ARMH4: variants seen among roughly 807,000 people sequenced by gnomAD.
ARMH4 encodes the protein armadillo like helical domain containing 4.
In ARMH4, 49 loss-of-function variants were observed where a neutral mutation model predicts 61.9. That is an observed-to-expected ratio of 0.79 (90% CI 0.63 to 1.00). ARMH4 has a LOEUF of 1.00. Among genes scored for constraint, ARMH4 ranks in the 50% least tolerant of loss-of-function variants. ARMH4 has a pLI of 0.00. For synonymous variants in ARMH4, 368 were observed against 341.5 expected, an observed-to-expected ratio of 1.08 and a Z score of -0.85; for missense variants, 934 against 930.0, an observed-to-expected ratio of 1.00 and a Z score of -0.06.
chr14:58,151,385 C>T (rs1464091401), intron 1 of ARMH4, among the ~76,000 whole-genome samples: 1 of 152,126 alleles, frequency 6.6e-6, no homozygotes, highest in African/African-American at 2.4e-5. Flanking sequence ...CCAACTATTC[C>T]GGAGTCTCAA....
chr14:58,131,440 C>G, intron 4 of ARMH4, 72 bp downstream of exon 4: 1 of 1,284,242 alleles, frequency 7.8e-7, no homozygotes, highest in Non-Finnish European at 1.1e-6. Context: ...CTACTTAATT[C>G]TTTTTCAAAA....
chr14:58,107,320 T>C (rs1360527617), intron 4 of ARMH4, among the ~76,000 whole-genome samples: 2 of 152,224 alleles, frequency 1.3e-5, no homozygotes, highest in African/African-American at 4.8e-5. Flanking sequence ...TCAAGGAGAA[T>C]AGAGTCTCAC....
intron 4 of ARMH4, among the ~76,000 whole-genome samples, chr14:58,127,289 G>T (rs573960004): frequency 6.6e-6 from 1 of 152,176 alleles, no homozygotes; most frequent in East Asian, 1.9e-4. Context: ...CCCAGTGGGA[G>T]GTAACTGAAT....
chr14:58,085,922 A>G (rs1885362100), intron 5 of ARMH4, among the ~76,000 whole-genome samples: 1 of 152,234 alleles, frequency 6.6e-6, no homozygotes, highest in Non-Finnish European at 1.5e-5. Flanking sequence ...TTAAAATGCT[A>G]CATCGTAATA....
chr14:58,047,196 T>C (rs1275334227), intron 5 of ARMH4, among the ~76,000 whole-genome samples: 2 of 152,224 alleles, frequency 1.3e-5, no homozygotes, highest in African/African-American at 4.8e-5. Flanking sequence ...TCTAATAACG[T>C]GGGATTATCA....
intron 4 of ARMH4, among the ~76,000 whole-genome samples, chr14:58,106,339 C>T (rs907738169): frequency 1.3e-5 from 2 of 152,144 alleles, no homozygotes; most frequent in Non-Finnish European, 2.9e-5. Context: ...CAGCCAAAAC[C>T]CTAACTTAGG....
At chr14:58,016,790 T>C (rs1594692050) in intron 5 of ARMH4, among the ~76,000 whole-genome samples, 1 of 152,166 alleles carries the variant, frequency 6.6e-6, no homozygotes, top group Non-Finnish European at 1.5e-5. Flanking sequence ...GCCTCTGGTC[T>C]CCTTCTAGTA....
intron 1 of ARMH4, among the ~76,000 whole-genome samples, chr14:58,142,934 G>C (rs1828599912): frequency 6.6e-6 from 1 of 152,056 alleles, no homozygotes; most frequent in Admixed American, 6.6e-5. Flanking sequence ...GGAATCCATG[G>C]ATTTAGAGCT....
At chr14:58,038,531 A>C (rs1338770694) in intron 5 of ARMH4, among the ~76,000 whole-genome samples, 1 of 123,140 alleles carries the variant, frequency 8.1e-6, no homozygotes, top group African/African-American at 2.9e-5. Context: ...GTGCACATGT[A>C]CCCTAAAATT....
Position 58,074,451 on chromosome 14 carries a change from GTTC to G in ARMH4, c.2089+22270_2089+22272del, listed in dbSNP as rs1288857260. ...CCGCTTTGGCAGTGGATGCAACACAGTTCTTTTTTTTTTTTTTTAGTTTAATTT... is the reference window on the plus strand; with the variant it reads ...CCGCTTTGGCAGTGGATGCAACACAGTTTTTTTTTTTTTTTAGTTTAATTT... On this transcript the variant is annotated intron_variant, in intron 5 of 7. Transcript: ENST00000267485. Among the ~76,000 whole-genome samples, 13 of 148,866 alleles carry G rather than the reference GTTC, an allele frequency of 8.7e-5. No homozygotes were observed. The East Asian group carries it at 2.2e-3, about 25-fold the overall frequency.
At chr14:58,066,043 G>A (rs1392920067) in intron 5 of ARMH4, among the ~76,000 whole-genome samples, 1 of 152,166 alleles carries the variant, frequency 6.6e-6, no homozygotes, top group Non-Finnish European at 1.5e-5. Flanking sequence ...CCTGACGTGG[G>A]GGACCTAGCT....
intron 5 of ARMH4, among the ~76,000 whole-genome samples, chr14:58,023,591 T>C (rs771368992): frequency 2.0e-4 from 30 of 152,220 alleles, no homozygotes; most frequent in Non-Finnish European, 2.2e-4. Flanking sequence ...CTGTTAATGA[T>C]AGCTTGTCCT....
chr14:58,104,806 C>T (rs1009321786), intron 4 of ARMH4, among the ~76,000 whole-genome samples: 2 of 152,226 alleles, frequency 1.3e-5, no homozygotes, highest in East Asian at 1.9e-4. Flanking sequence ...CAATCAACAG[C>T]GCTCAATAAG....
intron 5 of ARMH4, among the ~76,000 whole-genome samples, chr14:58,059,764 G>A (rs1048939439): frequency 2.0e-5 from 3 of 152,278 alleles, no homozygotes; most frequent in African/African-American, 7.2e-5. Context: ...AGTTATTAAT[G>A]CATAGGAAAA....
chr14:58,115,666 A>G (rs1594766092), intron 4 of ARMH4, among the ~76,000 whole-genome samples: 1 of 152,236 alleles, frequency 6.6e-6, no homozygotes, highest in Non-Finnish European at 1.5e-5. Context: ...CAGGTAATCA[A>G]CGAAGATGCC....
At chr14:58,104,351 C>T (rs1886100244) in intron 4 of ARMH4, among the ~76,000 whole-genome samples, 1 of 152,198 alleles carries the variant, frequency 6.6e-6, no homozygotes, top group Non-Finnish European at 1.5e-5. Flanking sequence ...CCCTTCAGCA[C>T]TAAGCAACTT....
intron 4 of ARMH4, among the ~76,000 whole-genome samples, chr14:58,117,843 C>T (rs62003335): frequency 4.1e-4 from 63 of 151,938 alleles, no homozygotes; most frequent in Admixed American, 1.6e-3. Context: ...ACTTCAGCCT[C>T]GAACTCCTGG....
chr14:58,031,017 T>C (rs1442360108), intron 5 of ARMH4, among the ~76,000 whole-genome samples: 1 of 152,214 alleles, frequency 6.6e-6, no homozygotes, highest in Non-Finnish European at 1.5e-5. Context: ...TATTACTTGA[T>C]ATGTGTTTTC....
intron 4 of ARMH4, among the ~76,000 whole-genome samples, chr14:58,120,014 T>C (rs7146927): frequency 0.05 from 7,580 of 152,176 alleles, 301 homozygotes; most frequent in African/African-American, 0.11. Context: ...TTCTGAGAAA[T>C]GTGTCATTAG....
Sources: allele counts gnomAD v4.1 joint callset (sites outside exome capture counted in the v4.1 genomes callset), GRCh38; gene constraint gnomAD v4.1.1; transcripts MANE v1.5; gene names NCBI Gene and HGNC (gene_info 2026-07-23, HGNC 2026-07-21).